NRL: variants seen among roughly 807,000 people sequenced by gnomAD.
NRL encodes neural retina-specific leucine zipper protein.
In NRL, 16 loss-of-function variants were observed where a neutral mutation model predicts 12.5. That is an observed-to-expected ratio of 1.28 (90% CI 0.87 to 1.95). The LOEUF is 1.95. Ranked by LOEUF, NRL falls within the 30% of genes most tolerant of loss-of-function variation. The pLI is 0.00. For synonymous variants in NRL, 142 were observed against 150.9 expected (o/e 0.94, Z 0.43); for missense variants, 314 against 325.8 (o/e 0.96, Z 0.28).
rs140157008 is a variant in NRL, at chr14:24,081,167, C to T, written c.*69G>A. 527 of 1,139,920 alleles carry T rather than the reference C, an allele frequency of 4.6e-4. 1 individual carries two copies. The African/African-American group carries it at 7.8e-3, about 17-fold the overall frequency. The allele number at this position is 1,139,920 out of a possible 1,614,324, so 70.6% of individuals were successfully genotyped here. A position where few individuals can be genotyped will look rare whatever the true frequency, so the allele number is the denominator to read the frequency against. ...GCGCTCTGGTAACGATGCAGAGAAC[C>T]GTGCAGCCGCCTCCTGGGCGGAGCC... On this transcript the variant is annotated 3_prime_UTR_variant, in exon 3 of 3. Transcript: ENST00000561028. The surrounding 1 kb of genome is among the most constrained non-coding windows in gnomAD (Gnocchi z 4.4).
intron 1 of NRL, among the ~76,000 whole-genome samples, chr14:24,100,758 G>C (rs2037131207): frequency 6.6e-6 from 1 of 152,158 alleles, no homozygotes; most frequent in Non-Finnish European, 1.5e-5. Flanking sequence ...CTAAAGGTCA[G>C]TATTGTTACC....
intron 2 of NRL, 97 bp downstream of exon 2, chr14:24,082,370 TC>T (rs1313706520): frequency 6.7e-7 from 1 of 1,488,922 alleles, no homozygotes; most frequent in African/African-American, 1.4e-5. Context: ...CTGTCCCCTG[TC>T]CCAGTCCATA....
chr14:24,086,739 C>G (rs1467827152), intron 1 of NRL, among the ~76,000 whole-genome samples: 1 of 152,242 alleles, frequency 6.6e-6, no homozygotes, highest in Non-Finnish European at 1.5e-5. Context: ...CTCTTGTTTA[C>G]TGGAGGGCTC....
At chr14:24,093,747 G>A (rs2036717163) in intron 1 of NRL, among the ~76,000 whole-genome samples, 1 of 152,152 alleles carries the variant, frequency 6.6e-6, no homozygotes, top group Non-Finnish European at 1.5e-5. Flanking sequence ...GAGACCCAGG[G>A]GTAGAGAGAC....
Position 24,105,223 on chromosome 14 carries a change from T to C in NRL, c.-28+9499A>G, listed in dbSNP as rs561308819. ...TTAAGGCACAGATCGCTCATGCTAT[T>C]GTTTATGGTTTAAGAATACCTTTAA... On this transcript the variant is annotated intron_variant, in intron 1 of 2. Coordinates refer to ENST00000561028, the MANE Select transcript of NRL (RefSeq NM_001354768.3). 5.9e-5 allele frequency among the ~76,000 whole-genome samples: 9 copies of C among 152,376 alleles called. No homozygotes were observed. The South Asian group carries it at 1.7e-3, about 28-fold the overall frequency.
intron 1 of NRL, among the ~76,000 whole-genome samples, chr14:24,090,285 G>C (rs1338270630): frequency 4.1e-5 from 1 of 24,520 alleles, no homozygotes; most frequent in Non-Finnish European, 1.0e-4. Flanking sequence ...GGGGGGGCAC[G>C]GGGGGGGACT....
chr14:24,094,417 G>A lies in NRL; in HGVS notation c.-27-11542C>T. ...CCTGCCCAGGTGCCATGGCCGCATT[G>A]TACCGCCCTGGCCTGCGGTGAGTGA... On this transcript the variant is annotated intron_variant, in intron 1 of 2. Transcript: ENST00000561028. This position sits in a 1 kb window ranked among gnomAD's most constrained non-coding sequence, Gnocchi z 4.1. 6.4e-7 allele frequency: 1 copy of A among 1,561,262 alleles called. No homozygotes were observed. Among genetic ancestry groups the A allele is most frequent in the Non-Finnish European group, 8.6e-7 (1 of 1,157,980 alleles).
At chr14:24,105,725 C>T (rs555688773) in intron 1 of NRL, among the ~76,000 whole-genome samples, 3 of 152,310 alleles carry the variant, frequency 2.0e-5, no homozygotes, top group Admixed American at 6.5e-5. Context: ...TCAAGACCAG[C>T]GTGGCCAACA....
intron 1 of NRL, among the ~76,000 whole-genome samples, chr14:24,101,112 T>C (rs1183114923): frequency 6.6e-6 from 1 of 152,090 alleles, no homozygotes; most frequent in Non-Finnish European, 1.5e-5. Flanking sequence ...ACTAACACCA[T>C]CATTAAGCCC....
Position 24,082,543 on chromosome 14 carries a change from C to T in NRL, c.306G>A (p.Gln102=). 2 of 1,613,532 alleles carry T rather than the reference C, an allele frequency of 1.2e-6. No individual in the cohort carries two copies. The highest frequency in any genetic ancestry group is 2.2e-5 in the South Asian group (2 of 91,084). The part of the protein sequence containing the change: ...PEEAMELLQG[Q]GPVPVDGPHG... ...GGGGCCCATCAACAGGGACTGGGCCCTGACCCTGCAGCAGCTCCATGGCCT... is the reference window on the plus strand; with the variant it reads ...GGGGCCCATCAACAGGGACTGGGCCTTGACCCTGCAGCAGCTCCATGGCCT... Residue 102 remains glutamine, a synonymous_variant, in exon 2 of 3, where the codon CAG becomes CAA. Coordinates refer to ENST00000561028, the MANE Select transcript of NRL (RefSeq NM_001354768.3).
rs779710488 is a variant in NRL, at chr14:24,082,491, C to T, written c.358G>A (p.Glu120Lys). The T allele has an allele frequency of 6.8e-6, 11 of 1,612,928 alleles. No homozygotes were observed. In the South Asian group the frequency reaches 1.2e-4, roughly 18 times the overall value. ...ACCTGGACGTGCTGGGCTCCTGTCTCCTCTGGGCTCCCTGGGTAGTAGCCA... is the reference window on the plus strand; with the variant it reads ...ACCTGGACGTGCTGGGCTCCTGTCTTCTCTGGGCTCCCTGGGTAGTAGCCA... ...PHGYYPGSPEETGAQHVQLAE... is the reference protein window; with the variant it reads ...PHGYYPGSPEKTGAQHVQLAE... Residue 120 changes from glutamate (E) to lysine (K), a missense_variant, in exon 2 of 3, where the codon GAG becomes AAG. Glu to Lys is a moderately conservative substitution (Grantham distance 56). Transcript: ENST00000561028.
chr14:24,114,469 T>A (rs1462598445), intron 1 of NRL: 1 of 163,906 alleles, frequency 6.1e-6, no homozygotes, highest in Non-Finnish European at 1.3e-5. Flanking sequence ...TTGGGCACTG[T>A]CTGAAAAGTG....
At chr14:24,083,293 C>G (rs1003482041) in intron 1 of NRL, among the ~76,000 whole-genome samples, 1 of 152,092 alleles carries the variant, frequency 6.6e-6, no homozygotes, top group Non-Finnish European at 1.5e-5. Context: ...TATTTTAGGA[C>G]AGTGGGAAGG....
At chr14:24,095,466 C>T in intron 1 of NRL, 1 of 337,266 alleles carries the variant, frequency 3.0e-6, no homozygotes, top group Non-Finnish European at 5.9e-6. Flanking sequence ...CTACCCCAGA[C>T]AGACTCAAGC....
In NRL at chr14:24,099,550, A is replaced by G. The variant is rs45477394; in HGVS notation, c.-28+15172T>C. On this transcript the variant is annotated intron_variant, in intron 1 of 2. Coordinates refer to ENST00000561028, the MANE Select transcript of NRL (RefSeq NM_001354768.3). ...CTCTTTCTTATTCCCTCTCTCCCCAATGCACAGATCCTGGGCATCACCAGC... is the reference window on the plus strand; with the variant it reads ...CTCTTTCTTATTCCCTCTCTCCCCAGTGCACAGATCCTGGGCATCACCAGC... 337 of 1,577,868 alleles carry G rather than the reference A, an allele frequency of 2.1e-4. No individual in the cohort carries two copies. Among genetic ancestry groups the G allele is most frequent in the Admixed American group, 2.8e-4 (16 of 56,154 alleles).
At chr14:24,083,993 C>G (rs1165546434) in intron 1 of NRL, among the ~76,000 whole-genome samples, 1 of 152,190 alleles carries the variant, frequency 6.6e-6, no homozygotes, top group Non-Finnish European at 1.5e-5. Context: ...TAGTCCAGCT[C>G]CCAATTCCAG....
intron 1 of NRL, among the ~76,000 whole-genome samples, chr14:24,083,103 A>G (rs914729827): frequency 6.6e-6 from 1 of 152,214 alleles, no homozygotes; most frequent in East Asian, 1.9e-4. Context: ...AAGGAGGAAG[A>G]GGACAGCACA....
At chr14:24,099,620 C>G (rs757945348) in intron 1 of NRL, 1 of 1,613,924 alleles carries the variant, frequency 6.2e-7, no homozygotes, top group Non-Finnish European at 8.5e-7. Context: ...TCCCTAGTGC[C>G]TGTGGCAAGA....
At chr14:24,082,440 C>T in intron 2 of NRL, 28 bp downstream of exon 2, 1 of 1,611,726 alleles carries the variant, frequency 6.2e-7, no homozygotes, top group Non-Finnish European at 8.5e-7. Context: ...GCCCTGCCTC[C>T]CCTCAGGCCA....
Sources: allele counts gnomAD v4.1 joint callset (sites outside exome capture counted in the v4.1 genomes callset), GRCh38; gene constraint gnomAD v4.1.1; non-coding constraint Gnocchi (gnomAD v3.1); transcripts MANE v1.5; gene names NCBI Gene and HGNC (gene_info 2026-07-23, HGNC 2026-07-21).